Variants in TP63 observed in about 807,000 individuals in gnomAD.
The protein encoded by TP63 is tumor protein 63.
In TP63, 17 loss-of-function variants were observed where a neutral mutation model predicts 82.8. That is an observed-to-expected ratio of 0.21 (90% CI 0.14 to 0.31). TP63 has a LOEUF of 0.31. TP63 is among the 10% of genes least tolerant of loss of function. The pLI is 1.00. For missense variants in TP63, 648 were observed against 895.3 expected, an observed-to-expected ratio of 0.72 and a Z score of 3.52; for synonymous variants, 330 against 321.7, an observed-to-expected ratio of 1.03 and a Z score of -0.28.
chr3:189,840,200 T>C (rs938171454), intron 4 of TP63, among the ~76,000 whole-genome samples: 1 of 152,072 alleles, frequency 6.6e-6, no homozygotes, highest in South Asian at 2.1e-4. Flanking sequence ...GGGTGGTAAG[T>C]GTTGTTTTTC....
At chr3:189,700,571 A>G (rs781655291) in intron 1 of TP63, among the ~76,000 whole-genome samples, 2 of 152,220 alleles carry the variant, frequency 1.3e-5, no homozygotes, top group African/African-American at 2.4e-5. Flanking sequence ...GTAGATGGGT[A>G]TCATGGCTAG....
At chr3:189,789,823 C>A in intron 3 of TP63, 3 of 1,597,218 alleles carry the variant, frequency 1.9e-6, no homozygotes, top group Non-Finnish European at 2.6e-6. Context: ...GAAAACAATG[C>A]CCAGACTCAA....
intron 4 of TP63, among the ~76,000 whole-genome samples, chr3:189,833,851 G>A (rs760516648): frequency 3.9e-5 from 6 of 152,104 alleles, no homozygotes; most frequent in Non-Finnish European, 8.8e-5. Context: ...AGTTAAAAAC[G>A]ATTATTATTT....
chr3:189,793,332 A>G (rs1478936474), intron 3 of TP63, among the ~76,000 whole-genome samples: 1 of 152,100 alleles, frequency 6.6e-6, no homozygotes, highest in Non-Finnish European at 1.5e-5. Flanking sequence ...ACAGCATGTC[A>G]CACGTACAGC....
intron 4 of TP63, among the ~76,000 whole-genome samples, chr3:189,829,409 A>G (rs1711950940): frequency 6.6e-6 from 1 of 152,244 alleles, no homozygotes. Context: ...GCATCCAACT[A>G]TCAATTCTTA....
At chr3:189,832,352 G>A (rs1712491922) in intron 4 of TP63, among the ~76,000 whole-genome samples, 2 of 152,076 alleles carry the variant, frequency 1.3e-5, no homozygotes, top group African/African-American at 4.8e-5. Flanking sequence ...AATCCAAGGA[G>A]GTCACTCAGG....
At chr3:189,889,205 T>A in intron 11 of TP63, 135 bp from the exon 12 acceptor site, 1 of 1,244,030 alleles carries the variant, frequency 8.0e-7, no homozygotes, top group Non-Finnish European at 1.2e-6. Context: ...TGAAGGGGTG[T>A]AGTGAGAGCG....
chr3:189,826,536 G>A (rs1171296840), intron 4 of TP63, among the ~76,000 whole-genome samples: 1 of 152,314 alleles, frequency 6.6e-6, no homozygotes, highest in African/African-American at 2.4e-5. Context: ...CCAAAGTCAG[G>A]AGTTGAGTGA....
chr3:189,721,010 G>C (rs548417687), intron 1 of TP63, among the ~76,000 whole-genome samples: 5 of 152,200 alleles, frequency 3.3e-5, no homozygotes, highest in Non-Finnish European at 5.9e-5. Context: ...AAAGGCATTT[G>C]CCTGTAGGAG....
At chr3:189,767,129 C>A (rs148157995) in intron 3 of TP63, among the ~76,000 whole-genome samples, 41 of 152,188 alleles carry the variant, frequency 2.7e-4, no homozygotes, top group African/African-American at 9.6e-4. Flanking sequence ...ACAAAAGGTT[C>A]TTCGTCTATG....
chr3:189,612,749 C>CAAT, the TP63 span, among the ~76,000 whole-genome samples: 2 of 152,142 alleles, frequency 1.3e-5, no homozygotes, highest in Non-Finnish European at 2.9e-5. Flanking sequence ...GCAATATAGA[C>CAAT]AATAAAGTCC....
At chr3:189,735,811 C>A (rs1216164565) in intron 1 of TP63, among the ~76,000 whole-genome samples, 2 of 152,046 alleles carry the variant, frequency 1.3e-5, no homozygotes, top group South Asian at 4.1e-4. Context: ...CTACTCCACA[C>A]GTGTGATAAA....
chr3:189,892,519 A>G (rs1418910792), intron 13 of TP63, among the ~76,000 whole-genome samples: 3 of 152,216 alleles, frequency 2.0e-5, no homozygotes, highest in Non-Finnish European at 1.5e-5. Flanking sequence ...TAGGCCGGGC[A>G]TGGTGGCTCA....
intron 1 of TP63, chr3:189,645,579 A>C: frequency 6.5e-6 from 1 of 154,326 alleles, no homozygotes; most frequent in East Asian, 1.8e-4. Context: ...ATATGTATAC[A>C]TGTGACATGT....
In TP63 at chr3:189,697,585, T is replaced by A. The variant is rs141442033; in HGVS notation, c.63-40155T>A. Among the ~76,000 whole-genome samples, 3 of 152,016 alleles carry A rather than the reference T, an allele frequency of 2.0e-5. No homozygotes were observed. In the South Asian group the frequency reaches 6.2e-4, roughly 32 times the overall value. On this transcript the variant is annotated intron_variant, in intron 1 of 13. Coordinates refer to ENST00000264731, the MANE Select transcript of TP63 (RefSeq NM_003722.5). Reference sequence around the variant, plus strand: ...AGTTTGCCAATATCTCAAAAAAAAATAAATAACCTTCCAGGATTTTAATTT... The same window carrying A: ...AGTTTGCCAATATCTCAAAAAAAAAAAAATAACCTTCCAGGATTTTAATTT...
At chr3:189,738,897 G>C in intron 3 of TP63, 123 bp downstream of exon 3, 2 of 1,409,790 alleles carry the variant, frequency 1.4e-6, no homozygotes, top group South Asian at 2.5e-5. Context: ...TTTGGGAAGA[G>C]AGTCTATGTT....
At chr3:189,670,602 A>C (rs754329083) in intron 1 of TP63, among the ~76,000 whole-genome samples, 1 of 152,076 alleles carries the variant, frequency 6.6e-6, no homozygotes, top group Non-Finnish European at 1.5e-5. Context: ...ACAGAAATAA[A>C]AACAGGACAC....
intron 1 of TP63, among the ~76,000 whole-genome samples, chr3:189,700,298 G>A (rs1020957056): frequency 6.6e-6 from 1 of 151,926 alleles, no homozygotes; most frequent in South Asian, 2.1e-4. Context: ...AGTAATACAG[G>A]CATTATGAAA....
At chr3:189,719,273 C>T (rs6783038) in intron 1 of TP63, among the ~76,000 whole-genome samples, 78,444 of 151,596 alleles carry the variant, frequency 0.52, 20,446 homozygotes, top group Middle Eastern at 0.61. Flanking sequence ...TATTTTAAAA[C>T]GAATCGGTAG....
Sources: gnomAD v4.1 joint callset for allele counts (sites outside exome capture counted in the v4.1 genomes callset) on GRCh38, gnomAD v4.1.1 for gene constraint, MANE v1.5 for transcripts, NCBI Gene and HGNC (gene_info 2026-07-23, HGNC 2026-07-21) for gene names.